Variants in LRRC69 observed in about 807,000 individuals in gnomAD.
LRRC69 encodes leucine-rich repeat-containing protein 69.
In LRRC69, 42 loss-of-function variants were observed where a neutral mutation model predicts 37.8. The ratio of observed to expected loss-of-function variants is 1.11; its 90% CI spans 0.87 to 1.44. The LOEUF (loss-of-function observed/expected upper bound fraction) is 1.44, where lower values mean the gene tolerates loss of function less well. Ranked by LOEUF, LRRC69 falls within the 40% of genes most tolerant of loss-of-function variation. The pLI is 0.00. For synonymous variants in LRRC69, 141 were observed against 143.1 expected (o/e 0.99, Z 0.11); for missense variants, 357 against 401.9 (o/e 0.89, Z 0.96).
chr8:91,197,542 G>A (rs1383148169), intron 6 of LRRC69, among the ~76,000 whole-genome samples: 3 of 152,116 alleles, frequency 2.0e-5, no homozygotes, highest in South Asian at 2.1e-4. Context: ...ATATTATCTC[G>A]TGGTGCGCCG....
intron 1 of LRRC69, among the ~76,000 whole-genome samples, chr8:91,117,001 C>T (rs1364639306): frequency 6.6e-6 from 1 of 152,024 alleles, no homozygotes; most frequent in Non-Finnish European, 1.5e-5. Context: ...TATTTTAAGG[C>T]AGGCCACAGA....
intron 5 of LRRC69, among the ~76,000 whole-genome samples, chr8:91,160,147 T>A (rs936511343): frequency 6.6e-6 from 1 of 151,144 alleles, no homozygotes; most frequent in African/African-American, 2.4e-5. Flanking sequence ...CTTTTGTAGC[T>A]ACTGTAAATG....
At chr8:91,124,760 G>A (rs1563596766) in intron 2 of LRRC69, 141 bp downstream of exon 2, 2 of 654,738 alleles carry the variant, frequency 3.1e-6, no homozygotes, top group Non-Finnish European at 4.9e-6. Context: ...TTGAAATATA[G>A]GAGGAGACAA....
chr8:91,185,961 C>G (rs1809401255), intron 5 of LRRC69, among the ~76,000 whole-genome samples: 1 of 152,186 alleles, frequency 6.6e-6, no homozygotes, highest in Non-Finnish European at 1.5e-5. Flanking sequence ...GCTAATCTAG[C>G]CCCCTTCTGA....
intron 7 of LRRC69, among the ~76,000 whole-genome samples, chr8:91,211,323 G>C (rs529876928): frequency 6.6e-6 from 1 of 151,812 alleles, no homozygotes; most frequent in Non-Finnish European, 1.5e-5. Context: ...ATTAGAATAA[G>C]TGTATACAGC....
intron 4 of LRRC69, among the ~76,000 whole-genome samples, chr8:91,133,647 C>A (rs1813850665): frequency 6.6e-6 from 1 of 151,920 alleles, no homozygotes; most frequent in African/African-American, 2.4e-5. Flanking sequence ...TTTCTTTCTT[C>A]TTTTTGAGAC....
At chr8:91,106,795 AT>A (rs910918684) in intron 1 of LRRC69, among the ~76,000 whole-genome samples, 1 of 150,556 alleles carries the variant, frequency 6.6e-6, no homozygotes, top group Non-Finnish European at 1.5e-5. Flanking sequence ...TTGTTTGCAT[AT>A]TTTTTTTTCT....
intron 5 of LRRC69, among the ~76,000 whole-genome samples, chr8:91,187,798 T>C (rs1809430122): frequency 6.6e-6 from 1 of 152,242 alleles, no homozygotes; most frequent in South Asian, 2.1e-4. Context: ...TTCACTTAAA[T>C]GCCTTTTCCT....
chr8:91,138,569 T>C, intron 5 of LRRC69, among the ~76,000 whole-genome samples: 1 of 149,486 alleles, frequency 6.7e-6, no homozygotes, highest in South Asian at 2.1e-4. Context: ...TTTTTTGAAA[T>C]TCACATGGCA....
At chr8:91,146,508 T>A (rs1362214129) in intron 5 of LRRC69, among the ~76,000 whole-genome samples, 1 of 142,472 alleles carries the variant, frequency 7.0e-6, no homozygotes, top group Admixed American at 7.0e-5. Context: ...ACAGACTGTT[T>A]AAGCATTGAT....
At chr8:91,197,790 A>G (rs1174686249) in intron 6 of LRRC69, among the ~76,000 whole-genome samples, 2 of 151,348 alleles carry the variant, frequency 1.3e-5, no homozygotes, top group Admixed American at 1.3e-4. Context: ...GGAAATGCAG[A>G]AATCACCCGT....
intron 5 of LRRC69, among the ~76,000 whole-genome samples, chr8:91,159,673 C>T (rs35649937): frequency 0.052 from 7,895 of 151,080 alleles, 299 homozygotes; most frequent in Middle Eastern, 0.16. Flanking sequence ...TAAACTACTT[C>T]ATTTGATTCA....
At chr8:91,154,231 C>T (rs1380921751) in intron 5 of LRRC69, among the ~76,000 whole-genome samples, 1 of 150,976 alleles carries the variant, frequency 6.6e-6, no homozygotes, top group Non-Finnish European at 1.5e-5. Context: ...AAATAACCTA[C>T]CAACCAAAGA....
rs933071638 is a variant in LRRC69 at position 91,218,822 on chromosome 8, A to G, written c.934-68A>G. ...TGTTCTGAAACCTCTGAGAAAGCAA[A>G]TATTTATTTTAATGAAAAATACTTA... On this transcript the variant is annotated intron_variant, in intron 7 of 7. Transcript: ENST00000448384. 2.4e-5 allele frequency: 24 copies of G among 982,830 alleles called. No individual in the cohort carries two copies. The Middle Eastern group carries it at 1.3e-3, about 52-fold the overall frequency. The allele number at this position is 982,830 out of a possible 1,614,324, so 60.9% of individuals were successfully genotyped here.
At chr8:91,131,341 T>C (rs1323613075) in intron 3 of LRRC69, among the ~76,000 whole-genome samples, 1 of 151,708 alleles carries the variant, frequency 6.6e-6, no homozygotes, top group Non-Finnish European at 1.5e-5. Flanking sequence ...CCCAAAGTTA[T>C]GGGTTTACAG....
intron 7 of LRRC69, among the ~76,000 whole-genome samples, chr8:91,204,947 C>T (rs1453855451): frequency 6.6e-6 from 1 of 152,098 alleles, no homozygotes; most frequent in Non-Finnish European, 1.5e-5. Context: ...ATACAATGAA[C>T]ATTTGTATAC....
chr8:91,196,225 G>A (rs1391333567), intron 6 of LRRC69, among the ~76,000 whole-genome samples: 2 of 151,922 alleles, frequency 1.3e-5, no homozygotes, highest in Non-Finnish European at 2.9e-5. Flanking sequence ...CTGTTAGTCT[G>A]ATGGGCTTCC....
intron 5 of LRRC69, among the ~76,000 whole-genome samples, chr8:91,185,983 G>A (rs7832313): frequency 0.68 from 103,128 of 152,010 alleles, 35,473 homozygotes; most frequent in Middle Eastern, 0.75. Flanking sequence ...CTCCCTCATT[G>A]CTTTGGGCTA....
chr8:91,197,444 C>T (rs535887073), intron 6 of LRRC69, among the ~76,000 whole-genome samples: 3 of 152,156 alleles, frequency 2.0e-5, no homozygotes, highest in Admixed American at 6.5e-5. Context: ...CCCCCAGCCT[C>T]GCTGCCGCCT....
Sources: allele counts gnomAD v4.1 joint callset (sites outside exome capture counted in the v4.1 genomes callset), GRCh38; gene constraint gnomAD v4.1.1; transcripts MANE v1.5; gene names NCBI Gene and HGNC (gene_info 2026-07-23, HGNC 2026-07-21).